Variants in SLC35A5 observed in about 807,000 individuals in gnomAD.
SLC35A5 encodes solute carrier family 35 member A5, also known as UDP-sugar transporter protein SLC35A5.
A neutral mutation model predicts 36.3 loss-of-function variants in SLC35A5; 28 were observed. The observed-to-expected ratio is 0.77, with a 90% CI of 0.57 to 1.06. The LOEUF (loss-of-function observed/expected upper bound fraction) is 1.06. SLC35A5 is among the 50% of genes least tolerant of loss of function. The probability of loss-of-function intolerance (pLI) is 0.00; values close to 1 mark genes in which losing one functional copy is unlikely to be tolerated. For missense variants in SLC35A5, 521 were observed against 499.3 expected (o/e 1.04, Z -0.41); for synonymous variants, 180 against 173.7 (o/e 1.04, Z -0.29).
chr3:112,573,906 C>T lies in SLC35A5; in HGVS notation c.378C>T (p.Phe126=). The T allele has an allele frequency of 6.2e-7, 1 of 1,613,368 alleles. No homozygotes were observed. Among genetic ancestry groups the T allele is most frequent in the African/African-American group, 1.3e-5 (1 of 75,030 alleles). The change falls in exon 5 of 7, where the codon TTC becomes TTT. Residue 126 remains phenylalanine (F), a synonymous_variant. Coordinates refer to ENST00000492406, the MANE Select transcript of SLC35A5 (RefSeq NM_017945.5). ...SYLQPAMAVI[F]SNFSIITTAL... is the part of the protein sequence containing the mutation. ...CTTTCTAGGCCATGGCTGTTATCTT[C>T]TCAAATTTTAGCATTATAACAACAG...
chr3:112,576,213 C>T (rs1380100327), intron 5 of SLC35A5, among the ~76,000 whole-genome samples: 1 of 151,924 alleles, frequency 6.6e-6, no homozygotes, highest in Non-Finnish European at 1.5e-5. Flanking sequence ...CTGCAACCTC[C>T]GCCTCCTGGG....
chr3:112,566,228 TAGG>T (rs1472908796), intron 2 of SLC35A5, among the ~76,000 whole-genome samples: 1 of 152,118 alleles, frequency 6.6e-6, no homozygotes, highest in Non-Finnish European at 1.5e-5. Context: ...TGGAGACTAT[TAGG>T]AGGAAGAGTA....
At position 112,569,196 on chromosome 3, in the gene SLC35A5, T is replaced by G; in HGVS notation, c.156T>G (p.Thr52=). ...NEENKYDYLP[T]TVNVCSELVK... ...AAAACAAGTATGATTATCTTCCAAC[T>G]ACTGTGAATGTGTGCTCAGAACTGG... The change falls in exon 3 of 7, where the codon ACT becomes ACG. Residue 52 remains threonine (T), a synonymous_variant. Coordinates refer to ENST00000492406, the MANE Select transcript of SLC35A5 (RefSeq NM_017945.5). 6.2e-7 allele frequency: 1 copy of G among 1,613,586 alleles called. No homozygotes were observed. Among genetic ancestry groups the G allele is most frequent in the Non-Finnish European group, 8.5e-7 (1 of 1,179,772 alleles).
upstream of SLC35A5, chr3:112,561,586 G>A (rs1933885358): frequency 1.1e-5 from 17 of 1,539,642 alleles, no homozygotes; most frequent in Non-Finnish European, 1.5e-5. Context: ...GCCGTGTCAG[G>A]GGCCAGGGAG....
At chr3:112,568,498 A>G (rs1310371480) in intron 2 of SLC35A5, among the ~76,000 whole-genome samples, 2 of 152,210 alleles carry the variant, frequency 1.3e-5, no homozygotes, top group African/African-American at 2.4e-5. Context: ...TCCTAATTCT[A>G]TTGATTTGCA....
chr3:112,574,077 C>T, intron 5 of SLC35A5, 121 bp downstream of exon 5: 1 of 818,306 alleles, frequency 1.2e-6, no homozygotes, highest in East Asian at 2.6e-5. Context: ...TCCTAATTGA[C>T]TTTGTGTACT....
intron 5 of SLC35A5, among the ~76,000 whole-genome samples, chr3:112,579,859 T>G (rs1268573114): frequency 6.6e-6 from 1 of 152,228 alleles, no homozygotes; most frequent in Non-Finnish European, 1.5e-5. Flanking sequence ...TTGAATAGAA[T>G]GAATCAGCAA....
In SLC35A5 at chr3:112,572,725, A is replaced by G. The variant is rs1034548371; in HGVS notation, c.361-1164A>G. ...TATTGAAGGAATTAAATAGAGATGCATGGAATGTTTGGGCCAAAGAGCTCT... is the reference window on the plus strand; with the variant it reads ...TATTGAAGGAATTAAATAGAGATGCGTGGAATGTTTGGGCCAAAGAGCTCT... On this transcript the variant is annotated intron_variant, in intron 4 of 6. Transcript: ENST00000492406. Among the ~76,000 whole-genome samples, 6 of 152,366 alleles carry G rather than the reference A, an allele frequency of 3.9e-5. No individual in the cohort carries two copies. In the East Asian group the frequency reaches 7.7e-4, roughly 20 times the overall value.
At chr3:112,564,736 GGTCGCT>G (rs1480563145) in intron 2 of SLC35A5, among the ~76,000 whole-genome samples, 2 of 152,198 alleles carry the variant, frequency 1.3e-5, no homozygotes, top group Non-Finnish European at 2.9e-5. Context: ...CCTAGGCAGA[GGTCGCT>G]GCGGCTTTCC....
chr3:112,571,164 G>T (rs552404923), intron 4 of SLC35A5, among the ~76,000 whole-genome samples: 82 of 152,208 alleles, frequency 5.4e-4, no homozygotes, highest in African/African-American at 1.9e-3. Flanking sequence ...TTCTTCAAGG[G>T]TAGGGATCAT....
intron 5 of SLC35A5, among the ~76,000 whole-genome samples, chr3:112,577,338 A>T (rs182158954): frequency 1.3e-5 from 2 of 152,322 alleles, no homozygotes; most frequent in African/African-American, 4.8e-5. Flanking sequence ...ATGTGAATGT[A>T]TAGATTTGTT....
At chr3:112,570,234 A>G (rs1322102791) in intron 3 of SLC35A5, among the ~76,000 whole-genome samples, 1 of 146,532 alleles carries the variant, frequency 6.8e-6, no homozygotes, top group Admixed American at 6.8e-5. Context: ...AACTTATTTT[A>G]ACTTGTTGAT....
chr3:112,563,953 T>C (rs944357869), intron 2 of SLC35A5, among the ~76,000 whole-genome samples: 4 of 152,242 alleles, frequency 2.6e-5, no homozygotes, highest in African/African-American at 9.6e-5. Flanking sequence ...TGCGGTCATA[T>C]TGTATCAACA....
rs750199933 is a variant in SLC35A5 at position 112,563,551 on chromosome 3, A to G, written c.130+18A>G. 5.7e-6 allele frequency: 9 copies of G among 1,582,776 alleles called. No homozygotes were observed. Among genetic ancestry groups the G allele is most frequent in the African/African-American group, 1.3e-5 (1 of 74,490 alleles). ...CAATGAAGGTAAGTTAAGACTTGGTATATGCATGGAGCACTTCCATCTAAT... is the reference window on the plus strand; with the variant it reads ...CAATGAAGGTAAGTTAAGACTTGGTGTATGCATGGAGCACTTCCATCTAAT... On this transcript the variant is annotated intron_variant, in intron 2 of 6. Coordinates refer to ENST00000492406, the MANE Select transcript of SLC35A5 (RefSeq NM_017945.5).
At chr3:112,568,336 A>G (rs754327473) in intron 2 of SLC35A5, among the ~76,000 whole-genome samples, 5 of 152,242 alleles carry the variant, frequency 3.3e-5, no homozygotes, top group East Asian at 1.9e-4. Flanking sequence ...GAAGCAAGCA[A>G]ATGTCTTCAA....
rs1935067905 is a variant in SLC35A5, at chr3:112,584,457, TCA to T, written c.*1724_*1725del. Reference sequence around the variant, plus strand: ...TTACAAAAATATTCTTACAAAGGTATCACATACAGAATACATTAAATAGCAGA... The same window carrying T: ...TTACAAAAATATTCTTACAAAGGTATCATACAGAATACATTAAATAGCAGA... On this transcript the variant is annotated 3_prime_UTR_variant, in exon 7 of 7. Coordinates refer to ENST00000492406, the MANE Select transcript of SLC35A5 (RefSeq NM_017945.5). 1 of 152,200 alleles carries T rather than the reference TCA, an allele frequency of 6.6e-6. No homozygotes were observed. The highest frequency in any genetic ancestry group is 6.5e-5 in the Admixed American group (1 of 15,278). 9.4% of individuals were successfully genotyped at this position (152,200 alleles called of 1,614,324 possible).
At chr3:112,574,385 G>A (rs1215668688) in intron 5 of SLC35A5, among the ~76,000 whole-genome samples, 4 of 146,126 alleles carry the variant, frequency 2.7e-5, no homozygotes, top group South Asian at 2.1e-4. Context: ...AGATGAGGAC[G>A]TGATTTAAGC....
At chr3:112,572,820 CT>C (rs1426195963) in intron 4 of SLC35A5, among the ~76,000 whole-genome samples, 1 of 152,198 alleles carries the variant, frequency 6.6e-6, no homozygotes, top group Admixed American at 6.5e-5. Flanking sequence ...AGCCGTCAGG[CT>C]GCATGGTTAG....
intron 5 of SLC35A5, among the ~76,000 whole-genome samples, chr3:112,574,844 T>C (rs1162143429): frequency 6.6e-6 from 1 of 152,106 alleles, no homozygotes; most frequent in Non-Finnish European, 1.5e-5. Flanking sequence ...TGATGTATTT[T>C]CTTTTACCCT....
Sources: gnomAD v4.1 joint callset for allele counts (sites outside exome capture counted in the v4.1 genomes callset) on GRCh38, gnomAD v4.1.1 for gene constraint, MANE v1.5 for transcripts, NCBI Gene and HGNC (gene_info 2026-07-23, HGNC 2026-07-21) for gene names.